R3HCC1L: variants seen among roughly 807,000 people sequenced by gnomAD.
R3HCC1L encodes R3H domain and coiled-coil containing 1 like, also known as coiled-coil domain-containing protein R3HCC1L.
A neutral mutation model predicts 59.9 loss-of-function variants in R3HCC1L; 51 were observed. That is an observed-to-expected ratio of 0.85 (90% confidence interval 0.68 to 1.07). The LOEUF (loss-of-function observed/expected upper bound fraction) is 1.07, where lower values mean the gene tolerates loss of function less well. Ranked by LOEUF, R3HCC1L falls within the 50% of genes least tolerant of loss-of-function variation. The pLI, the probability that R3HCC1L is intolerant of heterozygous loss-of-function variation, is 0.00. For synonymous variants in R3HCC1L, 322 were observed against 315.2 expected (o/e 1.02, Z -0.23); for missense variants, 965 against 933.0 (o/e 1.03, Z -0.45).
chr10:98,211,448 A>G, intron 5 of R3HCC1L: 1 of 1,356,108 alleles, frequency 7.4e-7, no homozygotes, highest in Admixed American at 2.8e-5. Flanking sequence ...TTGAGATCCA[A>G]ATCAGGTTAA....
intron 6 of R3HCC1L, among the ~76,000 whole-genome samples, chr10:98,232,675 A>T (rs1054430328): frequency 6.6e-6 from 1 of 152,208 alleles, no homozygotes; most frequent in Non-Finnish European, 1.5e-5. Context: ...AACAAATTTA[A>T]ATTTAAAATT....
chr10:98,232,272 G>T (rs1856484596), intron 6 of R3HCC1L, among the ~76,000 whole-genome samples: 2 of 152,296 alleles, frequency 1.3e-5, no homozygotes, highest in Admixed American at 1.3e-4. Context: ...TTACAAGTGT[G>T]AGTTACCACG....
At chr10:98,238,546 A>G (rs138204021) in intron 9 of R3HCC1L, among the ~76,000 whole-genome samples, 5 of 152,270 alleles carry the variant, frequency 3.3e-5, no homozygotes, top group African/African-American at 1.2e-4. Context: ...ATATTGCATT[A>G]TGATAACTCT....
At chr10:98,187,999 T>C (rs1365135060) in intron 4 of R3HCC1L, among the ~76,000 whole-genome samples, 1 of 152,090 alleles carries the variant, frequency 6.6e-6, no homozygotes, top group African/African-American at 2.4e-5. Context: ...CATCTTGGCC[T>C]CCCAGAAGTC....
chr10:98,175,919 T>C (rs1848967353), intron 4 of R3HCC1L, among the ~76,000 whole-genome samples: 1 of 152,218 alleles, frequency 6.6e-6, no homozygotes, highest in Non-Finnish European at 1.5e-5. Context: ...ATTGTAGGTT[T>C]ACATTTAGAT....
intron 4 of R3HCC1L, among the ~76,000 whole-genome samples, chr10:98,178,580 G>GT (rs1202703007): frequency 6.6e-6 from 1 of 151,570 alleles, no homozygotes; most frequent in Non-Finnish European, 1.5e-5. Context: ...CTTTAAAGTA[G>GT]TTTTTTTCCA....
intron 4 of R3HCC1L, among the ~76,000 whole-genome samples, chr10:98,201,529 T>G (rs1280516638): frequency 6.6e-6 from 1 of 152,234 alleles, no homozygotes; most frequent in Non-Finnish European, 1.5e-5. Context: ...CAAAAATATT[T>G]TCCTTCCGTA....
At chr10:98,187,614 T>G (rs1850350550) in intron 4 of R3HCC1L, among the ~76,000 whole-genome samples, 1 of 152,130 alleles carries the variant, frequency 6.6e-6, no homozygotes, top group South Asian at 2.1e-4. Flanking sequence ...ATCATTAGTT[T>G]GCACATAAGG....
At chr10:98,234,389 A>G in intron 6 of R3HCC1L, 57 bp from the exon 7 acceptor site, 7 of 1,423,766 alleles carry the variant, frequency 4.9e-6, no homozygotes, top group Non-Finnish European at 6.9e-6. Context: ...TATTTGTGAG[A>G]TGTTTCATAA....
rs534626385 is a variant in R3HCC1L, at chr10:98,151,932, C to T, written c.-267-4161C>T. On this transcript the variant is annotated intron_variant, in intron 1 of 9. Transcript: ENST00000298999. ...TCTCTCTCTCTCCCTCTCCCTCTCC[C>T]CACGGTCTCCCTCTCCCTCTCTTTC... is the stretch of plus-strand genomic sequence containing the variant. 3.9e-5 allele frequency among the ~76,000 whole-genome samples: 6 copies of T among 152,112 alleles called. No homozygotes were observed. The East Asian group carries it at 1.2e-3, about 29-fold the overall frequency.
chr10:98,175,322 A>C (rs1802948899), intron 4 of R3HCC1L, among the ~76,000 whole-genome samples: 1 of 152,130 alleles, frequency 6.6e-6, no homozygotes, highest in African/African-American at 2.4e-5. Context: ...TCATTAAAAA[A>C]CTTAAGATTA....
intron 1 of R3HCC1L, among the ~76,000 whole-genome samples, chr10:98,136,482 G>A (rs1017997178): frequency 1.3e-5 from 2 of 152,038 alleles, no homozygotes; most frequent in African/African-American, 4.8e-5. Flanking sequence ...ATTGATTTAG[G>A]TTTCATATAT....
intron 4 of R3HCC1L, among the ~76,000 whole-genome samples, chr10:98,190,810 C>A (rs1403655057): frequency 6.7e-6 from 1 of 149,946 alleles, no homozygotes; most frequent in Non-Finnish European, 1.5e-5. Context: ...CCCAGTCCCC[C>A]ACCCCCCGAC....
intron 5 of R3HCC1L, among the ~76,000 whole-genome samples, chr10:98,229,321 C>T (rs1856069982): frequency 1.3e-5 from 2 of 152,086 alleles, no homozygotes; most frequent in Admixed American, 1.3e-4. Flanking sequence ...AGTTGGGTTC[C>T]TGGGTATTTT....
chr10:98,206,519 T>C (rs1852684572), intron 4 of R3HCC1L, among the ~76,000 whole-genome samples: 1 of 152,188 alleles, frequency 6.6e-6, no homozygotes, highest in Admixed American at 6.5e-5. Context: ...ATTGTTTACA[T>C]CTAAATTATT....
At chr10:98,154,361 T>C (rs757291319) in intron 1 of R3HCC1L, among the ~76,000 whole-genome samples, 4 of 152,100 alleles carry the variant, frequency 2.6e-5, no homozygotes, top group Non-Finnish European at 4.4e-5. Context: ...TGTGCAGATA[T>C]ATATTGCAGC....
At chr10:98,170,113 A>T (rs1224861189) in intron 4 of R3HCC1L, among the ~76,000 whole-genome samples, 1 of 152,158 alleles carries the variant, frequency 6.6e-6, no homozygotes, top group East Asian at 1.9e-4. Context: ...TCTTCAGCAC[A>T]ATTAACTTCC....
At chr10:98,220,289 T>C (rs1854725870) in intron 5 of R3HCC1L, among the ~76,000 whole-genome samples, 1 of 152,118 alleles carries the variant, frequency 6.6e-6, no homozygotes, top group Admixed American at 6.6e-5. Context: ...CCTTGTATTA[T>C]TTATCTGTGT....
intron 4 of R3HCC1L, among the ~76,000 whole-genome samples, chr10:98,176,112 T>TA (rs1848992790): frequency 6.6e-6 from 1 of 152,166 alleles, no homozygotes; most frequent in Non-Finnish European, 1.5e-5. Flanking sequence ...TCTGGACTCT[T>TA]ACTGCGTTTC....
Sources: gnomAD v4.1 joint callset for allele counts (sites outside exome capture counted in the v4.1 genomes callset) on GRCh38, gnomAD v4.1.1 for gene constraint, MANE v1.5 for transcripts, NCBI Gene and HGNC (gene_info 2026-07-23, HGNC 2026-07-21) for gene names.